PCDH15: variants seen among roughly 807,000 people sequenced by gnomAD.
The protein encoded by PCDH15 is protocadherin-15.
In PCDH15, 129 loss-of-function variants were observed where a neutral mutation model predicts 178.5. That is an observed-to-expected ratio of 0.72 (90% CI 0.63 to 0.84). The LOEUF is 0.84. Ranked by LOEUF, PCDH15 falls within the 40% of genes least tolerant of loss-of-function variation. The pLI is 0.00. For missense variants in PCDH15, 2,230 were observed against 2,099.9 expected (o/e 1.06, Z -1.21); for synonymous variants, 800 against 732.0 (o/e 1.09, Z -1.50).
chr10:55,111,532 T>A (rs980571809), intron 2 of PCDH15, among the ~76,000 whole-genome samples: 1 of 148,370 alleles, frequency 6.7e-6, no homozygotes, highest in East Asian at 2.0e-4. Flanking sequence ...AGATACTATT[T>A]AAAAAAAAAA....
At chr10:54,763,692 G>A (rs1411122747) in intron 1 of PCDH15, among the ~76,000 whole-genome samples, 1 of 150,080 alleles carries the variant, frequency 6.7e-6, no homozygotes, top group African/African-American at 2.4e-5. Context: ...TTTACGTGTG[G>A]TATGCATGTA....
At chr10:55,210,034 A>T (rs1840517793) in intron 1 of PCDH15, among the ~76,000 whole-genome samples, 1 of 152,010 alleles carries the variant, frequency 6.6e-6, no homozygotes, top group African/African-American at 2.4e-5. Context: ...AAGAACTATG[A>T]GAAGAACCAG....
chr10:55,472,717 C>T lies in PCDH15; in HGVS notation c.-156+154908G>A, dbSNP rs560833320. Among the ~76,000 whole-genome samples the T allele has an allele frequency of 1.4e-4, 22 of 152,184 alleles. No individual in the cohort carries two copies. The South Asian group carries it at 3.9e-3, about 27-fold the overall frequency. ...CCTAGTAGCTGTGACTACAGGCGCC[C>T]GCCACCACGCCCGGCTAATTTTTTG... On this transcript the variant is annotated intron_variant, in intron 2 of 5. Transcript: ENST00000613346.
chr10:54,207,719 A>C (rs1252071193), intron 10 of PCDH15, among the ~76,000 whole-genome samples: 1 of 152,082 alleles, frequency 6.6e-6, no homozygotes, highest in East Asian at 1.9e-4. Context: ...CTTCTCTGGC[A>C]TTTGATCCCT....
intron 32 of PCDH15, chr10:53,825,235 G>A (rs1044855747): frequency 7.2e-7 from 1 of 1,390,886 alleles, no homozygotes; most frequent in Non-Finnish European, 9.4e-7. Context: ...AATATGAGCA[G>A]GAACTTGCTT....
At chr10:55,361,424 T>C (rs974889871) in intron 2 of PCDH15, among the ~76,000 whole-genome samples, 2 of 152,072 alleles carry the variant, frequency 1.3e-5, no homozygotes, top group Non-Finnish European at 2.9e-5. Flanking sequence ...CTAACGAACT[T>C]GTAATCTATA....
At chr10:55,225,677 G>T (rs1401181712) in intron 1 of PCDH15, among the ~76,000 whole-genome samples, 2 of 146,644 alleles carry the variant, frequency 1.4e-5, no homozygotes, top group African/African-American at 5.0e-5. Context: ...GAGAGAAACG[G>T]AGAGAGAAGG....
At chr10:54,566,441 A>T (rs1022080261) in intron 2 of PCDH15, among the ~76,000 whole-genome samples, 2 of 152,126 alleles carry the variant, frequency 1.3e-5, no homozygotes, top group Non-Finnish European at 2.9e-5. Context: ...TCATTATAGT[A>T]TCATACAGAC....
intron 5 of PCDH15, among the ~76,000 whole-genome samples, chr10:54,353,262 A>C (rs191753559): frequency 1.4e-5 from 2 of 146,566 alleles, no homozygotes; most frequent in Non-Finnish European, 2.9e-5. Context: ...CAGAACTGAT[A>C]AAAAAAATAC....
chr10:53,932,660 C>A (rs948369513), intron 25 of PCDH15, among the ~76,000 whole-genome samples: 2 of 152,118 alleles, frequency 1.3e-5, no homozygotes, highest in Non-Finnish European at 2.9e-5. Context: ...CATACAAAGT[C>A]ACTTCTAAAT....
chr10:54,950,145 G>C (rs1162006140), intron 2 of PCDH15, among the ~76,000 whole-genome samples: 1 of 151,996 alleles, frequency 6.6e-6, no homozygotes, highest in Non-Finnish European at 1.5e-5. Flanking sequence ...CTGAGACTGG[G>C]TAATTTATAA....
At position 54,456,632 on chromosome 10, in the gene PCDH15, C is replaced by T. The variant is rs947996488; in HGVS notation, c.157+71180G>A. 2.0e-5 allele frequency among the ~76,000 whole-genome samples: 3 copies of T among 152,080 alleles called. No individual in the cohort carries two copies. The East Asian group carries it at 5.8e-4, about 29-fold the overall frequency. On this transcript the variant is annotated intron_variant, in intron 3 of 37. Coordinates refer to ENST00000644397, the MANE Select transcript of PCDH15 (RefSeq NM_001384140.1). Reference sequence around the variant, plus strand: ...AAACTTTGGGGAACTGTTGGAAGAGCATGATTGTGTTTTGAAATGTGAGTA... The same window carrying T: ...AAACTTTGGGGAACTGTTGGAAGAGTATGATTGTGTTTTGAAATGTGAGTA...
At chr10:55,618,553 C>G (rs1843524101) in intron 2 of PCDH15, among the ~76,000 whole-genome samples, 1 of 152,008 alleles carries the variant, frequency 6.6e-6, no homozygotes, top group Non-Finnish European at 1.5e-5. Context: ...TTCTACTACT[C>G]TTCCCCAAAA....
chr10:55,081,896 C>T (rs1282484817), intron 2 of PCDH15, among the ~76,000 whole-genome samples: 2 of 151,982 alleles, frequency 1.3e-5, no homozygotes, highest in South Asian at 2.1e-4. Context: ...TATATATGAA[C>T]CAAGTACTGG....
At chr10:55,079,421 T>C (rs1355144011) in intron 2 of PCDH15, among the ~76,000 whole-genome samples, 3 of 152,320 alleles carry the variant, frequency 2.0e-5, no homozygotes, top group East Asian at 3.9e-4. Context: ...ATGGAGGCTC[T>C]GGTAAAGTGT....
intron 26 of PCDH15, among the ~76,000 whole-genome samples, chr10:53,884,995 G>T (rs893458610): frequency 7.2e-5 from 11 of 152,112 alleles, no homozygotes; most frequent in African/African-American, 2.2e-4. Context: ...TAATGCCAGA[G>T]AAAGAGCTGC....
Position 55,501,700 on chromosome 10 carries a change from A to G in PCDH15, c.-156+125925T>C, listed in dbSNP as rs1181136989. ...CAACTATAAGTTACAAGTTTGGAGT[A>G]GTTATGTCATTTGTGCAAATAATAA... On this transcript the variant is annotated intron_variant, in intron 2 of 5. Coordinates refer to the PCDH15 transcript ENST00000613346. Among the ~76,000 whole-genome samples the G allele has an allele frequency of 3.3e-5, 5 of 151,892 alleles. No homozygotes were observed. In the East Asian group the frequency reaches 9.7e-4, roughly 30 times the overall value.
At chr10:55,134,150 A>T (rs961480004) in intron 2 of PCDH15, among the ~76,000 whole-genome samples, 2 of 151,922 alleles carry the variant, frequency 1.3e-5, no homozygotes, top group Non-Finnish European at 2.9e-5. Flanking sequence ...TCTTTTCTCC[A>T]CTGCTCTGCC....
intron 26 of PCDH15, among the ~76,000 whole-genome samples, chr10:53,891,172 A>G (rs1416034999): frequency 6.6e-6 from 1 of 152,204 alleles, no homozygotes; most frequent in Non-Finnish European, 1.5e-5. Flanking sequence ...AAGACATTAC[A>G]GGACATCTTC....
Sources: gnomAD v4.1 joint callset for allele counts (sites outside exome capture counted in the v4.1 genomes callset) on GRCh38, gnomAD v4.1.1 for gene constraint, MANE v1.5 for transcripts, NCBI Gene and HGNC (gene_info 2026-07-23, HGNC 2026-07-21) for gene names.